UNC13A: variants seen among roughly 807,000 people sequenced by gnomAD.
UNC13A encodes protein unc-13 homolog A.
UNC13A carries 61 observed loss-of-function variants against 219.7 expected under a neutral mutation model. The observed-to-expected ratio is 0.28, with a 90% CI of 0.23 to 0.34. The LOEUF (loss-of-function observed/expected upper bound fraction) is 0.34, where lower values mean the gene tolerates loss of function less well. Ranked by LOEUF, UNC13A falls within the 10% of genes least tolerant of loss-of-function variation. The pLI is 1.00. For missense variants in UNC13A, 1,476 were observed against 2,270.3 expected (o/e 0.65, Z 7.11); for synonymous variants, 920 against 884.6 (o/e 1.04, Z -0.71).
intron 8 of UNC13A, among the ~76,000 whole-genome samples, chr19:17,659,690 G>A (rs2079518463): frequency 6.6e-6 from 1 of 152,046 alleles, no homozygotes; most frequent in South Asian, 2.1e-4. Context: ...CATTGCTGGA[G>A]CCCAGGAGGT....
chr19:17,673,923 A>T (rs570931687), intron 3 of UNC13A, among the ~76,000 whole-genome samples: 7 of 152,134 alleles, frequency 4.6e-5, no homozygotes, highest in South Asian at 2.1e-4. Context: ...AGGCAGGAGG[A>T]TCACTTGAAC....
intron 11 of UNC13A, among the ~76,000 whole-genome samples, chr19:17,654,977 C>A (rs2079421956): frequency 6.6e-6 from 1 of 152,146 alleles, no homozygotes; most frequent in Non-Finnish European, 1.5e-5. Context: ...GTGGACGGGC[C>A]ATGGGGATAC....
intron 27 of UNC13A, 41 bp from the exon 28 acceptor site, chr19:17,632,949 GCCAC>G: frequency 6.2e-7 from 1 of 1,613,090 alleles, no homozygotes; most frequent in Non-Finnish European, 8.5e-7. Context: ...GGAAGGGTCT[GCCAC>G]CCTCTGTCTC....
rs2076488638 is a variant in UNC13A at position 17,603,504 on chromosome 19, C to T, written c.*2550G>A. 1 of 152,266 alleles carries T rather than the reference C, an allele frequency of 6.6e-6. No homozygotes were observed. The highest frequency in any genetic ancestry group is 6.5e-5 in the Admixed American group (1 of 15,278). The allele number at this position is 152,266 out of a possible 1,614,324, so 9.4% of individuals were successfully genotyped here. A position where few individuals can be genotyped will look rare whatever the true frequency, so the allele number is the denominator to read the frequency against. On this transcript the variant is annotated 3_prime_UTR_variant, in exon 44 of 44. Coordinates refer to ENST00000519716, the MANE Select transcript of UNC13A (RefSeq NM_001080421.3). Reference sequence around the variant, plus strand: ...AACAGTCACATAAGCTTATCCCTGGCTACAACTTCCCAACCCTGTATGAGA... The same window carrying T: ...AACAGTCACATAAGCTTATCCCTGGTTACAACTTCCCAACCCTGTATGAGA...
In UNC13A at chr19:17,629,273, A is replaced by C; in HGVS notation, c.3720T>G (p.Phe1240Leu). ...CCTTCTCCTTGGAGCAGTAGGAGGC[A>C]AAGTCCTTGGAGATGATGTCTGCAT... is the stretch of plus-strand genomic sequence containing the variant. Reference protein sequence around the residue: ...LQYADIISKDFASYCSKEKEK... With the variant: ...LQYADIISKDLASYCSKEKEK... The change falls in exon 31 of 44, where the codon TTT (phenylalanine) becomes TTG (leucine). Residue 1240 changes from phenylalanine to leucine, a missense_variant. Phe to Leu is a conservative substitution (Grantham distance 22). This residue lies in a region of UNC13A where 218 missense variants were observed against 409.4 expected (regional missense o/e 0.53). Coordinates refer to ENST00000519716, the MANE Select transcript of UNC13A (RefSeq NM_001080421.3). The C allele has an allele frequency of 6.2e-7, 1 of 1,612,360 alleles. No individual in the cohort carries two copies. The highest frequency in any genetic ancestry group is 8.5e-7 in the Non-Finnish European group (1 of 1,179,350).
In UNC13A at chr19:17,618,893, C is replaced by G. The variant is rs1369355262; in HGVS notation, c.4329+13G>C. The G allele has an allele frequency of 6.2e-7, 1 of 1,613,824 alleles. No individual in the cohort carries two copies. The highest frequency in any genetic ancestry group is 1.7e-5 in the Admixed American group (1 of 60,006). On this transcript the variant is annotated intron_variant, in intron 39 of 43. Coordinates refer to ENST00000519716, the MANE Select transcript of UNC13A (RefSeq NM_001080421.3). ...GGCAGTCCCTCACGCCATAATCTAT[C>G]CCCACTCCTCACCTTGAGTTTGGAC... is the stretch of plus-strand genomic sequence containing the variant.
chr19:17,615,571 C>T (rs1207300374), intron 41 of UNC13A, among the ~76,000 whole-genome samples: 2 of 152,066 alleles, frequency 1.3e-5, no homozygotes, highest in Non-Finnish European at 2.9e-5. Flanking sequence ...CCCAGCTACT[C>T]AGGAGGCTGA....
intron 25 of UNC13A, 141 bp from the exon 26 acceptor site, chr19:17,636,298 A>G: frequency 9.1e-7 from 1 of 1,093,920 alleles, no homozygotes; most frequent in Non-Finnish European, 1.2e-6. Flanking sequence ...CTATATAGAG[A>G]GGAATTGAAC....
chr19:17,652,162 C>T (rs865886258), intron 12 of UNC13A, among the ~76,000 whole-genome samples: 6 of 152,076 alleles, frequency 3.9e-5, no homozygotes, highest in Non-Finnish European at 7.4e-5. Context: ...GACAGTGTCC[C>T]GCTCTGTCTC....
chr19:17,634,401 C>T (rs1018055109), intron 26 of UNC13A, among the ~76,000 whole-genome samples: 16 of 151,734 alleles, frequency 1.1e-4, no homozygotes, highest in African/African-American at 3.9e-4. Flanking sequence ...TGCAGTGGTG[C>T]GATTTCAGCT....
chr19:17,614,819 C>A (rs548207782), intron 41 of UNC13A, among the ~76,000 whole-genome samples: 1 of 152,302 alleles, frequency 6.6e-6, no homozygotes, highest in Admixed American at 6.5e-5. Context: ...GTCACATGCT[C>A]AGCCGCCCCG....
intron 34 of UNC13A, among the ~76,000 whole-genome samples, chr19:17,625,709 G>A (rs1332163524): frequency 3.4e-5 from 5 of 146,508 alleles, no homozygotes; most frequent in African/African-American, 1.3e-4. Context: ...TCCATCCATC[G>A]ACCCACTCAT....
Position 17,629,277 on chromosome 19 carries a change from TC to T in UNC13A, c.3715del (p.Asp1239ThrfsTer18). On this transcript the variant is annotated frameshift_variant, in exon 31 of 44. Transcript: ENST00000519716. LOFTEE classifies it high-confidence loss of function. ...CTCCTTGGAGCAGTAGGAGGCAAAG[TC>T]CTTGGAGATGATGTCTGCATACTGG... ...LLQYADIISKDFASYCSKEKE... is the reference protein window; with the variant it reads ...LLQYADIISKXFASYCSKEKE... 6.2e-7 allele frequency: 1 copy of T among 1,612,310 alleles called. No individual in the cohort carries two copies. The highest frequency in any genetic ancestry group is 8.5e-7 in the Non-Finnish European group (1 of 1,179,352).
chr19:17,670,943 T>TAAAATAAAATAAAATA (rs1319795730), intron 4 of UNC13A, among the ~76,000 whole-genome samples: 1 of 141,424 alleles, frequency 7.1e-6, no homozygotes, highest in Non-Finnish European at 1.6e-5. Context: ...TAAAATAAAA[T>TAAAATAAAATAAAATA]AAAATAAAAT....
At position 17,629,507 on chromosome 19, in the gene UNC13A, C is replaced by T. The variant is rs143689299; in HGVS notation, c.3670-184G>A. 9.4e-3 allele frequency among the ~76,000 whole-genome samples: 1,434 copies of T among 152,178 alleles called. 15 individuals are homozygous for T. The highest frequency in any genetic ancestry group is 0.027 in the African/African-American group (1,106 of 41,512). On this transcript the variant is annotated intron_variant, in intron 30 of 43. Coordinates refer to ENST00000519716, the MANE Select transcript of UNC13A (RefSeq NM_001080421.3). ...ATCAAGACCTAGAGGAGATACCGCT[C>T]GATGAAGATGATCATTTTATGTAGA...
rs2076985001 is a variant in UNC13A, at chr19:17,642,832, C to G, written c.2472+13G>C. ...TGGAAGTGGCATGGGAGGGGCCGAG[C>G]AATGACCCTCACCTCATGCAGACAG... On this transcript the variant is annotated intron_variant, in intron 20 of 43. Coordinates refer to ENST00000519716, the MANE Select transcript of UNC13A (RefSeq NM_001080421.3). 6.3e-7 allele frequency: 1 copy of G among 1,596,052 alleles called. No homozygotes were observed. Among genetic ancestry groups the G allele is most frequent in the Non-Finnish European group, 8.5e-7 (1 of 1,170,288 alleles).
chr19:17,647,232 G>A, intron 17 of UNC13A, 33 bp downstream of exon 17: 3 of 1,535,192 alleles, frequency 2.0e-6, no homozygotes, highest in African/African-American at 1.4e-5. Context: ...GGGTGGAGAA[G>A]GAGGGGCCCT....
At chr19:17,664,840 C>T (rs1647621354) in intron 7 of UNC13A, among the ~76,000 whole-genome samples, 1 of 152,122 alleles carries the variant, frequency 6.6e-6, no homozygotes, top group South Asian at 2.1e-4. Context: ...CCCTCCTGGA[C>T]ACATGGTGAG....
rs748678245 is a variant in UNC13A, at chr19:17,648,969, G to C, written c.1539C>G (p.Ser513=). 6.2e-7 allele frequency: 1 copy of C among 1,603,876 alleles called. No homozygotes were observed. Among genetic ancestry groups the C allele is most frequent in the East Asian group, 2.2e-5 (1 of 44,524 alleles). ...VSDLAMSLVQ[S]RKAGITSALA... is the part of the protein sequence containing the mutation. ...AGGCCGAGGTGATGCCCGCTTTCCT[G>C]GACTGGACCAGGGACTGGGGAGGTC... The change falls in exon 15 of 44, where the codon TCC becomes TCG. Residue 513 remains serine (S), a synonymous_variant. Transcript: ENST00000519716.
Sources: gnomAD v4.1 joint callset for allele counts (sites outside exome capture counted in the v4.1 genomes callset) on GRCh38, gnomAD v4.1.1 for gene constraint, gnomAD v4.1.1 regional missense constraint, MANE v1.5 for transcripts, NCBI Gene and HGNC (gene_info 2026-07-23, HGNC 2026-07-21) for gene names.